Variants in NTM observed in about 807,000 individuals in gnomAD.
NTM encodes neurotrimin, also known as IgLON family member 2.
In NTM, 13 loss-of-function variants were observed where a neutral mutation model predicts 42.1. The ratio of observed to expected loss-of-function variants is 0.31; its 90% CI spans 0.20 to 0.49. The LOEUF (loss-of-function observed/expected upper bound fraction) is 0.49. NTM is among the 20% of genes least tolerant of loss of function. The pLI, the probability that NTM is intolerant of heterozygous loss-of-function variation, is 0.99. For missense variants in NTM, 373 were observed against 452.8 expected (o/e 0.82, Z 1.60); for synonymous variants, 187 against 179.2 (o/e 1.04, Z -0.35).
rs2055263374 is a variant in NTM at position 131,555,337 on chromosome 11, A to G, written c.82+184449A>G. Among the ~76,000 whole-genome samples the G allele has an allele frequency of 2.0e-5, 3 of 152,316 alleles. No individual in the cohort carries two copies. The South Asian group carries it at 6.2e-4, about 32-fold the overall frequency. ...GTCTGGTTCTTAGGAGGAAGACAGG[A>G]TAACAGAGCAGAATTCCATTGGACA... is the stretch of plus-strand genomic sequence containing the variant. On this transcript the variant is annotated intron_variant, in intron 1 of 8. Transcript: ENST00000683400.
intron 1 of NTM, among the ~76,000 whole-genome samples, chr11:131,865,586 T>A (rs948697282): frequency 1.6e-4 from 24 of 152,184 alleles, no homozygotes; most frequent in Non-Finnish European, 4.4e-5. Flanking sequence ...GTGCTTAGCC[T>A]GGCCTAGTGG....
At chr11:132,226,392 G>T (rs1343164675) in intron 4 of NTM, among the ~76,000 whole-genome samples, 1 of 152,108 alleles carries the variant, frequency 6.6e-6, no homozygotes, top group African/African-American at 2.4e-5. Flanking sequence ...ACTTTTTAAT[G>T]ATTGCCATTC....
chr11:131,940,878 G>A (rs1024605671), intron 2 of NTM, among the ~76,000 whole-genome samples: 2 of 152,170 alleles, frequency 1.3e-5, no homozygotes. Flanking sequence ...ACCTTGCTTT[G>A]ACAACATAGT....
At chr11:131,921,836 C>T (rs2057266081) in intron 2 of NTM, among the ~76,000 whole-genome samples, 1 of 152,054 alleles carries the variant, frequency 6.6e-6, no homozygotes, top group Non-Finnish European at 1.5e-5. Context: ...AGCACAAACC[C>T]TATTGTATCT....
At chr11:131,563,693 C>A (rs1434548065) in intron 1 of NTM, among the ~76,000 whole-genome samples, 1 of 151,356 alleles carries the variant, frequency 6.6e-6, no homozygotes, top group Admixed American at 6.6e-5. Context: ...TAGGCACCCT[C>A]TCTCTTAAAA....
chr11:132,319,593 T>A (rs1010017586), intron 7 of NTM, among the ~76,000 whole-genome samples: 1 of 152,096 alleles, frequency 6.6e-6, no homozygotes, highest in African/African-American at 2.4e-5. Flanking sequence ...CATTGCCTAG[T>A]TAGTTGTTTG....
chr11:132,012,447 T>A (rs538915428), intron 2 of NTM, among the ~76,000 whole-genome samples: 2 of 152,252 alleles, frequency 1.3e-5, no homozygotes, highest in African/African-American at 2.4e-5. Flanking sequence ...ATTAGCACAG[T>A]CTGAAATAAT....
At chr11:131,391,204 G>A (rs1358094419) in intron 1 of NTM, among the ~76,000 whole-genome samples, 1 of 152,148 alleles carries the variant, frequency 6.6e-6, no homozygotes, top group Non-Finnish European at 1.5e-5. Context: ...AGTTCAGAAA[G>A]GCCAACTTGC....
At chr11:131,621,773 G>T (rs111614361) in intron 1 of NTM, among the ~76,000 whole-genome samples, 1 of 143,268 alleles carries the variant, frequency 7.0e-6, no homozygotes, top group Admixed American at 7.1e-5. Context: ...AGTAAGCTGT[G>T]ATTATACCAC....
At chr11:132,309,256 G>A (rs996638943) in intron 5 of NTM, among the ~76,000 whole-genome samples, 9 of 152,176 alleles carry the variant, frequency 5.9e-5, no homozygotes, top group African/African-American at 9.7e-5. Context: ...TGGTAAAGAC[G>A]TCAAATGAAT....
intron 1 of NTM, among the ~76,000 whole-genome samples, chr11:131,886,618 G>A (rs1420754526): frequency 6.6e-6 from 1 of 152,226 alleles, no homozygotes; most frequent in African/African-American, 2.4e-5. Context: ...AGGGATTGCT[G>A]TTTGCTTGTG....
At chr11:132,301,336 C>G (rs959234901) in intron 4 of NTM, among the ~76,000 whole-genome samples, 4 of 152,150 alleles carry the variant, frequency 2.6e-5, no homozygotes, top group African/African-American at 7.2e-5. Flanking sequence ...CTGGTCCCTC[C>G]CATGACATGT....
chr11:131,469,729 A>G (rs1474483679), intron 1 of NTM, among the ~76,000 whole-genome samples: 1 of 152,206 alleles, frequency 6.6e-6, no homozygotes, highest in African/African-American at 2.4e-5. Context: ...TTTCTCATCT[A>G]TAAAGTAGAA....
chr11:131,672,531 G>A (rs926837803), intron 1 of NTM, among the ~76,000 whole-genome samples: 8 of 152,152 alleles, frequency 5.3e-5, no homozygotes, highest in African/African-American at 9.7e-5. Flanking sequence ...CATTCTCTTC[G>A]GCCTGGCCTC....
At chr11:131,710,852 T>A (rs1199980728) in intron 1 of NTM, among the ~76,000 whole-genome samples, 1 of 152,128 alleles carries the variant, frequency 6.6e-6, no homozygotes, top group Non-Finnish European at 1.5e-5. Context: ...GGATCACACC[T>A]CATGCCACCC....
At chr11:131,591,438 AG>A (rs969117339) in intron 1 of NTM, among the ~76,000 whole-genome samples, 2 of 152,130 alleles carry the variant, frequency 1.3e-5, no homozygotes, top group Non-Finnish European at 2.9e-5. Flanking sequence ...GGGAGATGGA[AG>A]GGGGGCACAC....
intron 3 of NTM, among the ~76,000 whole-genome samples, chr11:132,177,622 T>C (rs2077008479): frequency 6.6e-6 from 1 of 152,222 alleles, no homozygotes; most frequent in African/African-American, 2.4e-5. Flanking sequence ...TTCTTGGCAA[T>C]GCTAGATTTC....
intron 1 of NTM, among the ~76,000 whole-genome samples, chr11:131,587,924 TGAG>T (rs1188612927): frequency 6.6e-6 from 1 of 152,162 alleles, no homozygotes; most frequent in Non-Finnish European, 1.5e-5. Flanking sequence ...ATGAGGCTGA[TGAG>T]GAAGAGTGAC....
chr11:131,493,037 G>A (rs531616035), intron 1 of NTM, among the ~76,000 whole-genome samples: 30 of 151,906 alleles, frequency 2.0e-4, no homozygotes, highest in African/African-American at 5.3e-4. Context: ...GGGCAACACG[G>A]TGAACCTCGT....
Sources: allele counts gnomAD v4.1 joint callset (sites outside exome capture counted in the v4.1 genomes callset), GRCh38; gene constraint gnomAD v4.1.1; transcripts MANE v1.5; gene names NCBI Gene and HGNC (gene_info 2026-07-23, HGNC 2026-07-21).